Variants in LTF observed in about 807,000 individuals in gnomAD.
LTF encodes the protein epididymis luminal protein 110.
Under a neutral mutation model 87.2 loss-of-function variants are expected in LTF, and 91 were observed. The ratio of observed to expected loss-of-function variants is 1.04; its 90% confidence interval spans 0.88 to 1.24. LTF has a LOEUF of 1.24. Ranked by LOEUF, LTF falls within the 50% of genes most tolerant of loss-of-function variation. The probability of loss-of-function intolerance (pLI) is 0.00; values close to 1 mark genes in which losing one functional copy is unlikely to be tolerated. For missense variants in LTF, 901 were observed against 904.3 expected (o/e 1.00, Z 0.05); for synonymous variants, 378 against 356.1 (o/e 1.06, Z -0.69).
At chr3:46,461,775 G>T (rs1421638417) in intron 1 of LTF, among the ~76,000 whole-genome samples, 2 of 150,986 alleles carry the variant, frequency 1.3e-5, no homozygotes, top group Non-Finnish European at 1.5e-5. Context: ...GATTTTTTAT[G>T]ATATGGAAAA....
intron 8 of LTF, 64 bp downstream of exon 8, chr3:46,449,790 G>T: frequency 6.4e-7 from 1 of 1,570,434 alleles, no homozygotes. Context: ...ACAAAGTAGG[G>T]CCACCTGCTG....
chr3:46,460,255 G>A (rs1703045927), intron 1 of LTF, among the ~76,000 whole-genome samples: 1 of 152,310 alleles, frequency 6.6e-6, no homozygotes, highest in South Asian at 2.1e-4. Context: ...CCACTCAGCA[G>A]TGCAGAGCCC....
intron 1 of LTF, chr3:46,460,525 T>C (rs1163620165): frequency 2.2e-6 from 1 of 453,952 alleles, no homozygotes; most frequent in Non-Finnish European, 4.4e-6. Context: ...GTTGCTCAAA[T>C]CCATGTAATT....
chr3:46,474,931 A>G (rs1477252465), intron 1 of LTF, among the ~76,000 whole-genome samples: 1 of 152,196 alleles, frequency 6.6e-6, no homozygotes, highest in African/African-American at 2.4e-5. Context: ...CAGCATATCA[A>G]AATGTGTGGG....
rs1278373385 is a variant in LTF, at chr3:46,438,187, G to A, written c.1909-58C>T. The A allele has an allele frequency of 2.9e-6, 4 of 1,382,104 alleles. No homozygotes were observed. In the African/African-American group the frequency reaches 4.3e-5, roughly 15 times the overall value. 85.6% of individuals were successfully genotyped at this position (1,382,104 alleles called of 1,614,324 possible). ...GGAAAAGAGGAATTTATGGGTTAAA[G>A]GAGGCAAAGGGGTATTTCTTCCACC... is the stretch of plus-strand genomic sequence containing the variant. On this transcript the variant is annotated intron_variant, in intron 15 of 16. Coordinates refer to ENST00000231751, the MANE Select transcript of LTF (RefSeq NM_002343.6).
intron 16 of LTF, among the ~76,000 whole-genome samples, chr3:46,437,043 A>G (rs1242305949): frequency 1.3e-5 from 2 of 152,158 alleles, no homozygotes; most frequent in African/African-American, 4.8e-5. Context: ...CCCTGCCCCC[A>G]TCCTTGGACC....
chr3:46,482,659 A>AGAAAGAAGGAAG (rs1553668626), intron 1 of LTF, among the ~76,000 whole-genome samples: 61 of 60,228 alleles, frequency 1.0e-3, no homozygotes, highest in African/African-American at 3.6e-3. Flanking sequence ...AAAGAAAGAA[A>AGAAAGAAGGAAG]GAAGGAAGGA....
rs766185411 is a variant in LTF, at chr3:46,439,452, A to C, written c.1752T>G (p.Asp584Glu). ...DGNNNEAWAK[D>E]LKLADFALLC... The stretch of plus-strand genomic sequence containing the variant: ...GCAGCGCAAAGTCTGCCAGCTTCAA[A>C]TCCTTAGCCCATGCCTCATTGTTAT... Residue 584 changes from aspartate to glutamate, a missense_variant, in exon 15 of 17, where the codon GAT (aspartate) becomes GAG (glutamate). Asp to Glu is a conservative substitution (Grantham distance 45, BLOSUM62 2). Transcript: ENST00000231751. 4 of 1,613,340 alleles carry C rather than the reference A, an allele frequency of 2.5e-6. No homozygotes were observed. Among genetic ancestry groups the C allele is most frequent in the Non-Finnish European group, 3.4e-6 (4 of 1,179,664 alleles).
At position 46,459,808 on chromosome 3, in the gene LTF, C is replaced by G; in HGVS notation, c.55G>C (p.Ala19Pro). 4 of 1,553,390 alleles carry G rather than the reference C, an allele frequency of 2.6e-6. No homozygotes were observed. Among genetic ancestry groups the G allele is most frequent in the East Asian group, 2.6e-5 (1 of 38,952 alleles). The change falls in exon 2 of 17, where the codon GCT becomes CCT. Residue 19 changes from alanine (A) to proline (P), a missense_variant. Transcript: ENST00000231751. The part of the protein sequence containing the change: ...LFLGALGLCL[A>P]GRRRSVQWCA... ...CACTGAACACTCCTCCTACGGCCAGCCAGACACAGTCCTGGGAGAGAGGGG... is the reference window on the plus strand; with the variant it reads ...CACTGAACACTCCTCCTACGGCCAGGCAGACACAGTCCTGGGAGAGAGGGG...
intron 2 of LTF, among the ~76,000 whole-genome samples, chr3:46,470,114 T>C (rs1703263967): frequency 6.6e-6 from 1 of 152,198 alleles, no homozygotes. Context: ...ATGCTTCCAG[T>C]CCCACCCCAC....
intron 8 of LTF, among the ~76,000 whole-genome samples, chr3:46,449,562 C>T (rs1027444385): frequency 4.6e-5 from 7 of 152,220 alleles, no homozygotes; most frequent in African/African-American, 1.7e-4. Flanking sequence ...CCCCCGGATT[C>T]ATCCAGGAGG....
intron 6 of LTF, among the ~76,000 whole-genome samples, chr3:46,453,747 A>G (rs1030402684): frequency 6.6e-6 from 1 of 152,156 alleles, no homozygotes; most frequent in Admixed American, 6.6e-5. Flanking sequence ...CCAGCACGTA[A>G]GTAAGGAACA....
intron 11 of LTF, among the ~76,000 whole-genome samples, chr3:46,446,163 C>T (rs907095405): frequency 6.6e-6 from 1 of 152,110 alleles, no homozygotes; most frequent in African/African-American, 2.4e-5. Flanking sequence ...GCCACTGTTT[C>T]CTCATCCCCA....
chr3:46,455,156 G>A, intron 5 of LTF, 139 bp downstream of exon 5: 2 of 1,027,544 alleles, frequency 1.9e-6, no homozygotes, highest in South Asian at 3.0e-5. Flanking sequence ...CACTCTCTTT[G>A]GACACACAGC....
intron 6 of LTF, among the ~76,000 whole-genome samples, chr3:46,452,125 A>G (rs1464408850): frequency 6.6e-6 from 1 of 152,256 alleles, no homozygotes; most frequent in African/African-American, 2.4e-5. Context: ...TCATCTACAA[A>G]AAACCAATGA....
At chr3:46,455,514 T>C (rs540378609) in intron 4 of LTF, 72 bp from the exon 5 acceptor site, 2 of 1,581,666 alleles carry the variant, frequency 1.3e-6, no homozygotes, top group Non-Finnish European at 1.7e-6. Context: ...CCTCCCATCC[T>C]GAGGTCTCCG....
intron 8 of LTF, 23 bp downstream of exon 8, chr3:46,449,831 A>G: frequency 3.1e-6 from 5 of 1,613,626 alleles, no homozygotes; most frequent in Non-Finnish European, 4.2e-6. Context: ...GGCGGACCTC[A>G]GGACCCTCCT....
upstream of LTF, among the ~76,000 whole-genome samples, chr3:46,467,400 A>C (rs1703229524): frequency 6.6e-6 from 1 of 152,010 alleles, no homozygotes; most frequent in African/African-American, 2.4e-5. Context: ...AGTGAGTGTG[A>C]GGGCCCAGAG....
At chr3:46,450,297 G>A (rs1353485881) in intron 7 of LTF, among the ~76,000 whole-genome samples, 198 bp downstream of exon 7, 1 of 152,082 alleles carries the variant, frequency 6.6e-6, no homozygotes, top group Non-Finnish European at 1.5e-5. Context: ...ATCATAAGAC[G>A]CTGTCAGCCC....
Sources: allele counts gnomAD v4.1 joint callset (sites outside exome capture counted in the v4.1 genomes callset), GRCh38; gene constraint gnomAD v4.1.1; transcripts MANE v1.5; gene names NCBI Gene and HGNC (gene_info 2026-07-23, HGNC 2026-07-21).